Variants in XRCC1 observed in about 807,000 individuals in gnomAD.
XRCC1 encodes the protein DNA repair protein XRCC1.
Under a neutral mutation model 83.3 loss-of-function variants are expected in XRCC1, and 52 were observed. The ratio of observed to expected loss-of-function variants is 0.62; its 90% confidence interval spans 0.50 to 0.79. The LOEUF is 0.79. XRCC1 is among the 30% of genes least tolerant of loss of function. The pLI is 0.00. For synonymous variants in XRCC1, 281 were observed against 312.6 expected, an observed-to-expected ratio of 0.90 and a Z score of 1.07; for missense variants, 793 against 823.5, an observed-to-expected ratio of 0.96 and a Z score of 0.45.
rs772402178 is a variant in XRCC1 at position 43,546,984 on chromosome 19, G to C, written c.1200-7C>G. On this transcript the variant is annotated splice_polypyrimidine_tract_variant and splice_region_variant and intron_variant, in intron 10 of 16. Coordinates refer to ENST00000262887, the MANE Select transcript of XRCC1 (RefSeq NM_006297.3). The stretch of plus-strand genomic sequence containing the variant: ...TGGCCCTGCCATGAGGTACCTAGGG[G>C]ACAAATCGGGCCTCAGACAAACAGG... 1.9e-6 allele frequency: 3 copies of C among 1,613,310 alleles called. No homozygotes were observed. Among genetic ancestry groups the C allele is most frequent in the Non-Finnish European group, 2.5e-6 (3 of 1,179,710 alleles).
Position 43,543,557 on chromosome 19 carries a change from G to A in XRCC1, c.1789-52C>T. 1.9e-6 allele frequency: 3 copies of A among 1,613,486 alleles called. No homozygotes were observed. In the South Asian group the frequency reaches 3.3e-5, roughly 18 times the overall value. On this transcript the variant is annotated intron_variant, in intron 16 of 16. Coordinates refer to ENST00000262887, the MANE Select transcript of XRCC1 (RefSeq NM_006297.3). Reference sequence around the variant, plus strand: ...GGAATGTGTCATCGAGGGGAGGACGGAGGAGATGCAAAGGTGTGCCCGGGT... The same window carrying A: ...GGAATGTGTCATCGAGGGGAGGACGAAGGAGATGCAAAGGTGTGCCCGGGT...
rs148611340 is a variant in XRCC1 at position 43,543,621 on chromosome 19, G to A, written c.1779C>T (p.Ser593=). 6.2e-7 allele frequency: 1 copy of A among 1,613,940 alleles called. No individual in the cohort carries two copies. The highest frequency in any genetic ancestry group is 1.7e-5 in the Admixed American group (1 of 60,000). The change falls in exon 16 of 17, where the codon AGC becomes AGT. Residue 593 remains serine (S), a synonymous_variant. Transcript: ENST00000262887. ...CCTCTTTGGTACTCACCTCCTCAAAGCTGGGATCCCATTCCTGTGCTGTGA... is the reference window on the plus strand; with the variant it reads ...CCTCTTTGGTACTCACCTCCTCAAAACTGGGATCCCATTCCTGTGCTGTGA... ...FVITAQEWDP[S]FEEALMDNPS...
rs1394542156 is a variant in XRCC1 at position 43,546,061 on chromosome 19, T to TC, written c.1471dup (p.Glu491GlyfsTer31). On this transcript the variant is annotated frameshift_variant, in exon 13 of 17. Coordinates refer to ENST00000262887, the MANE Select transcript of XRCC1 (RefSeq NM_006297.3). LOFTEE classifies it high-confidence loss of function. ...CCAGCCCCAGCCCTACCTCCTCAGCTCATCCTCTGTGTCCCCAGAATCTTC... is the reference window on the plus strand; with the variant it reads ...CCAGCCCCAGCCCTACCTCCTCAGCTCCATCCTCTGTGTCCCCAGAATCTTC... The TC allele has an allele frequency of 6.2e-7, 1 of 1,608,774 alleles. No individual in the cohort carries two copies. Among genetic ancestry groups the TC allele is most frequent in the Non-Finnish European group, 8.5e-7 (1 of 1,178,566 alleles).
At chr19:43,564,056 T>G (rs570454153) in intron 2 of XRCC1, among the ~76,000 whole-genome samples, 13 of 152,268 alleles carry the variant, frequency 8.5e-5, no homozygotes, top group Non-Finnish European at 1.6e-4. Context: ...TTCGAACCTA[T>G]GAAATGGGGA....
At chr19:43,559,989 G>A (rs992353815) in intron 3 of XRCC1, among the ~76,000 whole-genome samples, 2 of 151,740 alleles carry the variant, frequency 1.3e-5, no homozygotes, top group African/African-American at 2.4e-5. Flanking sequence ...GCTGAGGTGG[G>A]AGAATCACTT....
In XRCC1 at chr19:43,554,807, G is replaced by C. The variant is rs1442102529; in HGVS notation, c.256-3C>G. The C allele has an allele frequency of 6.2e-7, 1 of 1,609,078 alleles. No homozygotes were observed. Among genetic ancestry groups the C allele is most frequent in the East Asian group, 2.2e-5 (1 of 44,738 alleles). ...AAAGATGAGGTGACCAGAAGGACCT[G>C]GGTGGGAGAAGCCACAGTGCATGAG... On this transcript the variant is annotated splice_region_variant and splice_polypyrimidine_tract_variant and intron_variant, in intron 3 of 16. Transcript: ENST00000262887.
intron 4 of XRCC1, among the ~76,000 whole-genome samples, chr19:43,553,996 G>A (rs139529751): frequency 5.3e-5 from 8 of 152,250 alleles, no homozygotes; most frequent in African/African-American, 1.2e-4. Flanking sequence ...GGAGTGCTGC[G>A]TGCCACTTCC....
In XRCC1 at chr19:43,551,627, C is replaced by G. The variant is rs960861282; in HGVS notation, c.1143G>C (p.Val381=). ...GACAGTCCAGCACCCACTCCTTACG[C>G]ACGATGCGGCCTCCCAGGCCTAGGA... The part of the protein sequence containing the change: ...SQVLGLGGRI[V]RKEWVLDCHR... Residue 381 remains valine (V), a synonymous_variant, in exon 10 of 17, where the codon GTG becomes GTC. Coordinates refer to ENST00000262887, the MANE Select transcript of XRCC1 (RefSeq NM_006297.3). 6.2e-7 allele frequency: 1 copy of G among 1,614,238 alleles called. No individual in the cohort carries two copies. The highest frequency in any genetic ancestry group is 8.5e-7 in the Non-Finnish European group (1 of 1,180,044).
rs772402178 is a variant in XRCC1 at position 43,546,984 on chromosome 19, G to A, written c.1200-7C>T. On this transcript the variant is annotated splice_polypyrimidine_tract_variant and splice_region_variant and intron_variant, in intron 10 of 16. Transcript: ENST00000262887. ...TGGCCCTGCCATGAGGTACCTAGGG[G>A]ACAAATCGGGCCTCAGACAAACAGG... is the stretch of plus-strand genomic sequence containing the variant. 4.3e-6 allele frequency: 7 copies of A among 1,613,192 alleles called. No homozygotes were observed. Among genetic ancestry groups the A allele is most frequent in the Admixed American group, 1.7e-5 (1 of 59,962 alleles).
chr19:43,551,928 T>G, intron 9 of XRCC1, 89 bp downstream of exon 9: 1 of 1,386,642 alleles, frequency 7.2e-7, no homozygotes, highest in Non-Finnish European at 1.0e-6. Flanking sequence ...GCATGCAGCA[T>G]AGTGGACACA....
intron 2 of XRCC1, among the ~76,000 whole-genome samples, chr19:43,574,265 G>A (rs555855689): frequency 1.3e-5 from 2 of 152,052 alleles, no homozygotes; most frequent in Non-Finnish European, 2.9e-5. Context: ...TGGTAGAGAT[G>A]ACATCTTACT....
chr19:43,548,465 G>A (rs1257880477), intron 10 of XRCC1, among the ~76,000 whole-genome samples: 2 of 152,222 alleles, frequency 1.3e-5, no homozygotes, highest in African/African-American at 2.4e-5. Flanking sequence ...GTTAATCTAT[G>A]ACCTTACCCT....
At chr19:43,570,445 T>G (rs2854509) in intron 2 of XRCC1, among the ~76,000 whole-genome samples, 121,635 of 152,154 alleles carry the variant, frequency 0.8, 48,718 homozygotes, top group East Asian at 0.88. Context: ...AGATCGAGAT[T>G]TTGCATAACA....
At chr19:43,561,073 C>T (rs1002194968) in intron 2 of XRCC1, 53 bp from the exon 3 acceptor site, 10 of 1,390,230 alleles carry the variant, frequency 7.2e-6, no homozygotes, top group Non-Finnish European at 9.2e-6. Flanking sequence ...TCTGGGCTCA[C>T]TGTGGGACCT....
intron 2 of XRCC1, among the ~76,000 whole-genome samples, chr19:43,573,948 T>G (rs1211903653): frequency 6.6e-6 from 1 of 152,134 alleles, no homozygotes; most frequent in Non-Finnish European, 1.5e-5. Flanking sequence ...TCCTCATCTG[T>G]AAAAGTGGGG....
At chr19:43,562,837 C>T (rs1337811569) in intron 2 of XRCC1, among the ~76,000 whole-genome samples, 1 of 152,186 alleles carries the variant, frequency 6.6e-6, no homozygotes, top group African/African-American at 2.4e-5. Context: ...GTGCACTGAG[C>T]GCTCCTGGTG....
At chr19:43,544,278 G>A (rs2146040444) in intron 14 of XRCC1, 44 bp from the exon 15 acceptor site, 1 of 1,535,540 alleles carries the variant, frequency 6.5e-7, no homozygotes, top group Non-Finnish European at 8.9e-7. Flanking sequence ...GGCCCCAGGA[G>A]TTCCCAGGCA....
chr19:43,566,898 G>T (rs1224792488), intron 2 of XRCC1, among the ~76,000 whole-genome samples: 2 of 103,846 alleles, frequency 1.9e-5, no homozygotes, highest in Non-Finnish European at 4.1e-5. Context: ...AAAAAAAAAA[G>T]GTTTATATAT....
At chr19:43,552,423 G>C (rs1283241215) in intron 8 of XRCC1, 148 bp from the exon 9 acceptor site, 4 of 646,052 alleles carry the variant, frequency 6.2e-6, no homozygotes, top group African/African-American at 5.9e-5. Context: ...CAGACCCAGG[G>C]GTCCAGGCCC....
Sources: allele counts gnomAD v4.1 joint callset (sites outside exome capture counted in the v4.1 genomes callset), GRCh38; gene constraint gnomAD v4.1.1; transcripts MANE v1.5; gene names NCBI Gene and HGNC (gene_info 2026-07-23, HGNC 2026-07-21).